The following ANK2 variants were observed in gnomAD, a reference collection of about 807,000 sequenced individuals.
ANK2 encodes the protein ankyrin-2.
In ANK2, 83 loss-of-function variants were observed where a neutral mutation model predicts 360.5. The observed-to-expected ratio is 0.23, with a 90% CI of 0.19 to 0.28. The LOEUF is 0.28. Among genes scored for constraint, ANK2 ranks in the 10% least tolerant of loss-of-function variants. ANK2 has a pLI of 1.00. For missense variants in ANK2, 4,201 were observed against 4,795.7 expected, an observed-to-expected ratio of 0.88 and a Z score of 3.66; for synonymous variants, 1,740 against 1,759.5, an observed-to-expected ratio of 0.99 and a Z score of 0.28.
At chr4:113,298,517 A>G (rs1289908253) in intron 22 of ANK2, among the ~76,000 whole-genome samples, 1 of 152,200 alleles carries the variant, frequency 6.6e-6, no homozygotes. Context: ...AGAACAAATC[A>G]GATATTGACT....
intron 4 of ANK2, among the ~76,000 whole-genome samples, chr4:113,229,046 T>C (rs2099259111): frequency 6.6e-6 from 1 of 152,174 alleles, no homozygotes; most frequent in Non-Finnish European, 1.5e-5. Context: ...TGGAAGGGTG[T>C]GGACACACCA....
chr4:112,940,811 T>C (rs1581570784), intron 2 of ANK2, among the ~76,000 whole-genome samples: 1 of 152,152 alleles, frequency 6.6e-6, no homozygotes, highest in Non-Finnish European at 1.5e-5. Flanking sequence ...CTCATTGATT[T>C]GTTCCTGAGG....
At chr4:113,210,152 T>C (rs1021623312) in intron 4 of ANK2, among the ~76,000 whole-genome samples, 2 of 152,226 alleles carry the variant, frequency 1.3e-5, no homozygotes, top group Non-Finnish European at 2.9e-5. Flanking sequence ...GCTACATGCC[T>C]GGAATTCCCC....
intron 2 of ANK2, among the ~76,000 whole-genome samples, chr4:112,919,625 T>C (rs971924274): frequency 1.2e-4 from 18 of 152,160 alleles, no homozygotes; most frequent in Non-Finnish European, 1.0e-4. Context: ...ATACCAAATT[T>C]ATTTTCCTTA....
intron 2 of ANK2, among the ~76,000 whole-genome samples, chr4:113,023,577 C>CTAAGATAGCACCACCTCTGCCA (rs1420598014): frequency 1.3e-5 from 2 of 152,324 alleles, no homozygotes; most frequent in South Asian, 2.1e-4. Context: ...ACCACAACAT[C>CTAAGATAGCACCACCTCTGCCA]TAAGATAGCA....
the ANK2 span, among the ~76,000 whole-genome samples, chr4:112,786,994 C>T: frequency 7.0e-3 from 1,068 of 152,150 alleles, 7 homozygotes; most frequent in African/African-American, 0.022. Flanking sequence ...AGTGATCCGC[C>T]CACCTTGGTC....
the ANK2 span, among the ~76,000 whole-genome samples, chr4:112,774,731 G>A: frequency 6.6e-6 from 1 of 152,194 alleles, no homozygotes; most frequent in African/African-American, 2.4e-5. Context: ...GGGAGGCCAA[G>A]TCCAGTCCAA....
At chr4:112,791,479 C>CT in the ANK2 span, among the ~76,000 whole-genome samples, 577 of 93,918 alleles carry the variant, frequency 6.1e-3, 7 homozygotes, top group Middle Eastern at 0.011. Context: ...TCTTCTTCTT[C>CT]TTTTTTTTTT....
chr4:113,208,963 G>A (rs1372658719), intron 4 of ANK2, among the ~76,000 whole-genome samples: 1 of 152,008 alleles, frequency 6.6e-6, no homozygotes, highest in East Asian at 1.9e-4. Context: ...AGTAAAGACA[G>A]TGAAGAGGCA....
At chr4:112,726,851 CAAAA>C in the ANK2 span, among the ~76,000 whole-genome samples, 1 of 69,392 alleles carries the variant, frequency 1.4e-5, no homozygotes, top group African/African-American at 4.8e-5. Flanking sequence ...GACTCTGTCT[CAAAA>C]AAAAAAAAAA....
chr4:113,287,538 A>C, intron 18 of ANK2, 67 bp from the exon 19 acceptor site: 1 of 1,185,676 alleles, frequency 8.4e-7, no homozygotes, highest in Non-Finnish European at 1.2e-6. Flanking sequence ...ATTTTTTCAT[A>C]ATATTATAGA....
At chr4:112,804,411 G>A in the ANK2 span, among the ~76,000 whole-genome samples, 4 of 152,274 alleles carry the variant, frequency 2.6e-5, no homozygotes, top group South Asian at 4.1e-4. Flanking sequence ...ATATGAATGA[G>A]TGTATGAAGG....
At chr4:113,362,616 T>C (rs1159218266) in intron 39 of ANK2, among the ~76,000 whole-genome samples, 1 of 152,110 alleles carries the variant, frequency 6.6e-6, no homozygotes, top group East Asian at 1.9e-4. Context: ...AGCTAATTTT[T>C]TAAAATTATT....
the ANK2 span, among the ~76,000 whole-genome samples, chr4:112,756,930 G>A: frequency 2.6e-5 from 4 of 151,798 alleles, no homozygotes; most frequent in East Asian, 1.9e-4. Context: ...TTGAGATTGC[G>A]GCATTGCAAT....
At chr4:113,097,899 C>T (rs1191338446) in intron 1 of ANK2, among the ~76,000 whole-genome samples, 10 of 126,838 alleles carry the variant, frequency 7.9e-5, no homozygotes, top group Non-Finnish European at 1.2e-4. Context: ...CACGCACACA[C>T]ACATATATAT....
In ANK2 at chr4:113,136,623, C is replaced by T. The variant is rs563556784; in HGVS notation, c.85-37793C>T. Among the ~76,000 whole-genome samples the T allele has an allele frequency of 5.9e-5, 9 of 152,194 alleles. No homozygotes were observed. In the Middle Eastern group the frequency reaches 0.01, roughly 173 times the overall value. On this transcript the variant is annotated intron_variant, in intron 1 of 45. Coordinates refer to ENST00000357077, the MANE Select transcript of ANK2 (RefSeq NM_001148.6). ...CTTGAGCCGGGGGAGGTGGAGGTTG[C>T]AATGAGCGCCACTGCACTCCAGCTT...
chr4:112,783,456 A>G, the ANK2 span, among the ~76,000 whole-genome samples: 1 of 151,964 alleles, frequency 6.6e-6, no homozygotes, highest in Non-Finnish European at 1.5e-5. Context: ...CCAGGTAACA[A>G]CTCTCATCAT....
At chr4:113,278,829 G>C (rs2061211699) in intron 17 of ANK2, among the ~76,000 whole-genome samples, 1 of 152,154 alleles carries the variant, frequency 6.6e-6, no homozygotes, top group South Asian at 2.1e-4. Flanking sequence ...CTGTGTGTTA[G>C]AGAATGAAGT....
intron 41 of ANK2, among the ~76,000 whole-genome samples, chr4:113,366,225 C>G (rs1267593484): frequency 6.6e-6 from 1 of 152,112 alleles, no homozygotes; most frequent in Non-Finnish European, 1.5e-5. Context: ...CTATAATTCA[C>G]TCTAGTCAAT....
Sources: allele counts gnomAD v4.1 joint callset (sites outside exome capture counted in the v4.1 genomes callset), GRCh38; gene constraint gnomAD v4.1.1; transcripts MANE v1.5; gene names NCBI Gene and HGNC (gene_info 2026-07-23, HGNC 2026-07-21).